ZNF273: variants seen among roughly 807,000 people sequenced by gnomAD.
ZNF273 encodes the protein zinc finger protein 273, also known as zinc finger protein 9.
ZNF273 carries 11 observed loss-of-function variants against 14.9 expected under a neutral mutation model. The ratio of observed to expected loss-of-function variants is 0.74; its 90% CI spans 0.46 to 1.22. ZNF273 has a LOEUF of 1.22. Ranked by LOEUF, ZNF273 falls within the 50% of genes most tolerant of loss-of-function variation. ZNF273 has a pLI of 0.00. For missense variants in ZNF273, 577 were observed against 660.6 expected (o/e 0.87, Z 1.39); for synonymous variants, 199 against 223.9 (o/e 0.89, Z 0.99).
intron 1 of ZNF273, among the ~76,000 whole-genome samples, chr7:64,905,464 AT>A (rs1229830738): frequency 7.2e-6 from 1 of 139,552 alleles, no homozygotes; most frequent in Non-Finnish European, 1.5e-5. Context: ...CCGTTGAGAC[AT>A]TAAGATTGTC....
intron 3 of ZNF273, among the ~76,000 whole-genome samples, chr7:64,896,458 TGTTATTCCA>T (rs1792364558): frequency 5.3e-5 from 8 of 152,158 alleles, no homozygotes; most frequent in Admixed American, 5.2e-4. Flanking sequence ...AAACCCAGTC[TGTTATTCCA>T]GGAAAAATAA....
At chr7:64,908,843 C>A (rs1483194507) in intron 1 of ZNF273, among the ~76,000 whole-genome samples, 2 of 152,072 alleles carry the variant, frequency 1.3e-5, no homozygotes, top group Non-Finnish European at 2.9e-5. Context: ...GAGGACATAA[C>A]CTTATTATTA....
chr7:64,899,900 A>G (rs948688828), upstream of ZNF273, among the ~76,000 whole-genome samples: 3 of 151,228 alleles, frequency 2.0e-5, no homozygotes, highest in African/African-American at 7.3e-5. Context: ...AGCTGGGATT[A>G]CAGGCATGCG....
chr7:64,926,536 C>T (rs1318675355), intron 3 of ZNF273, among the ~76,000 whole-genome samples: 2 of 151,944 alleles, frequency 1.3e-5, no homozygotes, highest in Non-Finnish European at 2.9e-5. Flanking sequence ...GAGTATTATT[C>T]AATTTATTTT....
downstream of ZNF273, chr7:64,931,004 ATTTT>A (rs1794981133): frequency 6.6e-6 from 1 of 152,102 alleles, no homozygotes; most frequent in South Asian, 2.1e-4. Flanking sequence ...TTTGTTATAT[ATTTT>A]TCTTCTAACA....
chr7:64,929,008 T>A lies in ZNF273; in HGVS notation c.1680T>A (p.His560Gln), dbSNP rs1554391236. The A allele has an allele frequency of 6.4e-7, 1 of 1,559,224 alleles. No homozygotes were observed. Among genetic ancestry groups the A allele is most frequent in the South Asian group, 1.3e-5 (1 of 79,864 alleles). The change falls in exon 4 of 4, where the codon CAT (histidine) becomes CAA (glutamine). Residue 560 changes from histidine to glutamine, a missense_variant. Physicochemically the swap from His to Gln is conservative, Grantham distance 24. This residue lies in a region of ZNF273 where 411 missense variants were observed against 440.4 expected (regional missense o/e 0.93). Coordinates refer to ENST00000476120, the MANE Select transcript of ZNF273 (RefSeq NM_021148.3). Reference sequence around the variant, plus strand: ...ACAACACCCCAAACTTTTCTAGACATAAAAGAAATCATATGGGTGAGAAAT... The same window carrying A: ...ACAACACCCCAAACTTTTCTAGACAAAAAAGAAATCATATGGGTGAGAAAT... ...AFDNTPNFSR[H>Q]KRNHMGEKS
At chr7:64,898,648 T>C (rs1443430527), upstream of ZNF273, among the ~76,000 whole-genome samples, 1 of 152,236 alleles carries the variant, frequency 6.6e-6, no homozygotes, top group Non-Finnish European at 1.5e-5. Context: ...TTTATTATAA[T>C]ATGGTAAGTG....
In ZNF273 at chr7:64,903,333, A is replaced by G; in HGVS notation, c.16A>G (p.Arg6Gly). 6.2e-7 allele frequency: 1 copy of G among 1,612,844 alleles called. No homozygotes were observed. Among genetic ancestry groups the G allele is most frequent in the South Asian group, 1.1e-5 (1 of 91,060 alleles). ...TCACTGCTCTATGTCCTCTGCTCCT[A>G]GAGGTCCACCTTCTGTGGCCCCGTT... The part of the protein sequence containing the change: MSSAP[R>G]GPPSVAPLPA... The change falls in exon 1 of 4, where the codon AGA becomes GGA. Residue 6 changes from arginine (R) to glycine (G), a missense_variant. Coordinates refer to ENST00000476120, the MANE Select transcript of ZNF273 (RefSeq NM_021148.3).
intron 3 of ZNF273, chr7:64,897,264 A>G (rs1384406828): frequency 6.6e-6 from 1 of 152,218 alleles, no homozygotes; most frequent in Admixed American, 6.5e-5. Context: ...TAGAACAACC[A>G]CTTCTCAGCA....
upstream of ZNF273, among the ~76,000 whole-genome samples, chr7:64,900,783 A>G (rs1403291325): frequency 2.6e-5 from 4 of 152,210 alleles, no homozygotes. Flanking sequence ...CCCTATGTAC[A>G]TCAGACATTA....
intron 3 of ZNF273, among the ~76,000 whole-genome samples, chr7:64,921,316 C>T (rs1794432422): frequency 6.6e-6 from 1 of 152,130 alleles, no homozygotes; most frequent in Admixed American, 6.5e-5. Flanking sequence ...CCCACCTCAG[C>T]CTCACAAAGT....
At chr7:64,913,385 A>G (rs1307083176) in intron 1 of ZNF273, among the ~76,000 whole-genome samples, 2 of 152,246 alleles carry the variant, frequency 1.3e-5, no homozygotes, top group Non-Finnish European at 2.9e-5. Flanking sequence ...ACTAGCTCCC[A>G]GGGTGTTACG....
At chr7:64,885,891 A>T (rs1791546478) in intron 1 of ZNF273, among the ~76,000 whole-genome samples, 1 of 152,204 alleles carries the variant, frequency 6.6e-6, no homozygotes, top group Non-Finnish European at 1.5e-5. Context: ...TTCTTCCTAG[A>T]CCAGCATGGT....
At chr7:64,909,104 C>T (rs1206638615) in intron 1 of ZNF273, among the ~76,000 whole-genome samples, 6 of 151,982 alleles carry the variant, frequency 3.9e-5, no homozygotes, top group Admixed American at 1.3e-4. Flanking sequence ...TTTGTACGTA[C>T]GGGGTTTTGC....
At chr7:64,908,748 TATAAATG>T (rs1793285887) in intron 1 of ZNF273, among the ~76,000 whole-genome samples, 1 of 152,190 alleles carries the variant, frequency 6.6e-6, no homozygotes, top group African/African-American at 2.4e-5. Flanking sequence ...AGCACTTACT[TATAAATG>T]AGAACATGTA....
Position 64,928,665 on chromosome 7 carries a change from C to T in ZNF273, c.1337C>T (p.Thr446Ile), listed in dbSNP as rs746945794. The change falls in exon 4 of 4, where the codon ACT becomes ATT. Residue 446 changes from threonine (T) to isoleucine (I), a missense_variant. By Grantham distance (89) the Thr-to-Ile change is moderately conservative (BLOSUM62 -1). This residue lies in a region of ZNF273 where 411 missense variants were observed against 440.4 expected (regional missense o/e 0.93). Coordinates refer to ENST00000476120, the MANE Select transcript of ZNF273 (RefSeq NM_021148.3). ...GKAFSVFSTL[T>I]KHKIIHTGAK... ...GCCTTTAGTGTATTCTCAACCCTTA[C>T]TAAACATAAGATAATTCATACTGGA... is the stretch of plus-strand genomic sequence containing the variant. 6.8e-6 allele frequency: 11 copies of T among 1,612,932 alleles called. No homozygotes were observed. The highest frequency in any genetic ancestry group is 1.7e-5 in the Admixed American group (1 of 59,988).
At chr7:64,901,006 A>ATT (rs377332343), upstream of ZNF273, among the ~76,000 whole-genome samples, 25 of 95,212 alleles carry the variant, frequency 2.6e-4, no homozygotes, top group East Asian at 3.8e-4. Flanking sequence ...GCCTTTATTT[A>ATT]TTTTTTTTTT....
At chr7:64,908,363 A>C (rs778047516) in intron 1 of ZNF273, among the ~76,000 whole-genome samples, 1 of 152,202 alleles carries the variant, frequency 6.6e-6, no homozygotes, top group Admixed American at 6.5e-5. Flanking sequence ...TAAGCATAGC[A>C]CCAAATAGGT....
At chr7:64,915,547 G>A (rs566528584) in intron 1 of ZNF273, among the ~76,000 whole-genome samples, 2 of 152,380 alleles carry the variant, frequency 1.3e-5, no homozygotes, top group South Asian at 4.1e-4. Flanking sequence ...ACGTCCTGAA[G>A]GCACAGATCG....
Sources: gnomAD v4.1 joint callset for allele counts (sites outside exome capture counted in the v4.1 genomes callset) on GRCh38, gnomAD v4.1.1 for gene constraint, gnomAD v4.1.1 regional missense constraint, MANE v1.5 for transcripts, NCBI Gene and HGNC (gene_info 2026-07-23, HGNC 2026-07-21) for gene names.